The following COL14A1 variants were observed in gnomAD, a reference collection of about 807,000 sequenced individuals.
COL14A1 encodes collagen alpha-1(XIV) chain.
COL14A1 carries 136 observed loss-of-function variants against 230.3 expected under a neutral mutation model. That is an observed-to-expected ratio of 0.59 (90% confidence interval 0.51 to 0.68). COL14A1 has a LOEUF of 0.68. Ranked by LOEUF, COL14A1 falls within the 30% of genes least tolerant of loss-of-function variation. The probability of loss-of-function intolerance (pLI) is 0.00; values close to 1 mark genes in which losing one functional copy is unlikely to be tolerated. For missense variants in COL14A1, 1,976 were observed against 2,215.8 expected, an observed-to-expected ratio of 0.89 and a Z score of 2.17; for synonymous variants, 792 against 784.1, an observed-to-expected ratio of 1.01 and a Z score of -0.17.
In COL14A1 at chr8:120,219,168, G is replaced by A. The variant is rs533433343; in HGVS notation, c.1737+2678G>A. Among the ~76,000 whole-genome samples the A allele has an allele frequency of 1.6e-4, 24 of 152,186 alleles. No homozygotes were observed. In the South Asian group the frequency reaches 4.6e-3, roughly 29 times the overall value. On this transcript the variant is annotated intron_variant, in intron 14 of 47. Transcript: ENST00000297848. Reference sequence around the variant, plus strand: ...CGGGGTCTCTGTTGCCTAGGTTGAAGTGCAGTAGTGTGATCGTGGCTCACT... The same window carrying A: ...CGGGGTCTCTGTTGCCTAGGTTGAAATGCAGTAGTGTGATCGTGGCTCACT...
Position 120,250,661 on chromosome 8 carries a change from A to C in COL14A1, c.2647A>C (p.Thr883Pro). 6.2e-7 allele frequency: 1 copy of C among 1,614,234 alleles called. No individual in the cohort carries two copies. The highest frequency in any genetic ancestry group is 8.5e-7 in the Non-Finnish European group (1 of 1,180,036). The change falls in exon 22 of 48, where the codon ACC becomes CCC. Residue 883 changes from threonine to proline, a missense_variant. By Grantham distance (38) the Thr-to-Pro change is conservative. Coordinates refer to ENST00000297848, the MANE Select transcript of COL14A1 (RefSeq NM_021110.4). ...LETFVGADIN[T>P]ILITNLLSGM... ...AACGTTTGTGGGAGCTGACATTAACACCATCCTTATCACAAACCTCCTCAG... is the reference window on the plus strand; with the variant it reads ...AACGTTTGTGGGAGCTGACATTAACCCCATCCTTATCACAAACCTCCTCAG...
In COL14A1 at chr8:120,305,287, CTT is replaced by C. The variant is rs1026858547; in HGVS notation, c.4401+4472_4401+4473del. Among the ~76,000 whole-genome samples, 41 of 152,182 alleles carry C rather than the reference CTT, an allele frequency of 2.7e-4. No individual in the cohort carries two copies. In the Middle Eastern group the frequency reaches 0.014, roughly 50 times the overall value. On this transcript the variant is annotated intron_variant, in intron 36 of 47. Transcript: ENST00000297848. ...GAGCCACCGCACCTGGCCAAAAACT[CTT>C]TTAAAAACATTTCAGATGTCAGAAA...
At chr8:120,164,645 A>G (rs956768728) in intron 4 of COL14A1, among the ~76,000 whole-genome samples, 2 of 152,224 alleles carry the variant, frequency 1.3e-5, no homozygotes. Context: ...AGCAGGACAT[A>G]CACATGTTGT....
chr8:120,231,773 T>A (rs1818275746), intron 19 of COL14A1, 155 bp downstream of exon 19: 2 of 762,820 alleles, frequency 2.6e-6, no homozygotes, highest in Non-Finnish European at 3.9e-6. Context: ...ACTCCACTAC[T>A]GGCTTCTTAG....
chr8:120,318,782 G>C (rs1821327365), intron 40 of COL14A1, among the ~76,000 whole-genome samples: 1 of 152,170 alleles, frequency 6.6e-6, no homozygotes. Context: ...CCGTGGCATA[G>C]AAAGAGAGCA....
intron 8 of COL14A1, among the ~76,000 whole-genome samples, chr8:120,200,894 C>T (rs1218212075): frequency 1.3e-5 from 2 of 151,018 alleles, no homozygotes; most frequent in Non-Finnish European, 3.0e-5. Flanking sequence ...TGTTTCTTTT[C>T]CTTATTCCTA....
At chr8:120,326,695 A>G (rs1821680991) in intron 40 of COL14A1, among the ~76,000 whole-genome samples, 1 of 152,148 alleles carries the variant, frequency 6.6e-6, no homozygotes, top group African/African-American at 2.4e-5. Flanking sequence ...TTCATTTGAG[A>G]TAAAGCAAGC....
In COL14A1 at chr8:120,251,067, A is replaced by G. The variant is rs573086471; in HGVS notation, c.2752+301A>G. On this transcript the variant is annotated intron_variant, in intron 22 of 47. Transcript: ENST00000297848. Reference sequence around the variant, plus strand: ...GTGATTCAACCTCCTCAGCCTCCCAAGCACATGGGGTTTTGCTGCTTTGTT... The same window carrying G: ...GTGATTCAACCTCCTCAGCCTCCCAGGCACATGGGGTTTTGCTGCTTTGTT... 3.3e-5 allele frequency among the ~76,000 whole-genome samples: 5 copies of G among 152,246 alleles called. No individual in the cohort carries two copies. In the East Asian group the frequency reaches 5.8e-4, roughly 18 times the overall value.
chr8:120,271,161 G>A (rs905293112), intron 26 of COL14A1, among the ~76,000 whole-genome samples: 2 of 151,638 alleles, frequency 1.3e-5, no homozygotes, highest in Non-Finnish European at 2.9e-5. Context: ...CTTATAAGTG[G>A]GAGCTAAACA....
intron 29 of COL14A1, 56 bp downstream of exon 29, chr8:120,280,155 C>T: frequency 1.3e-6 from 2 of 1,589,578 alleles, no homozygotes; most frequent in Non-Finnish European, 1.7e-6. Context: ...AAATATTTGA[C>T]ACTGGTTAAA....
intron 20 of COL14A1, among the ~76,000 whole-genome samples, chr8:120,245,324 G>T (rs1193259411): frequency 1.3e-5 from 2 of 152,164 alleles, no homozygotes; most frequent in African/African-American, 2.4e-5. Context: ...TATCATGAGA[G>T]CCTGGGGCCT....
intron 5 of COL14A1, among the ~76,000 whole-genome samples, chr8:120,190,691 G>T (rs979991000): frequency 6.6e-5 from 10 of 152,208 alleles, no homozygotes; most frequent in South Asian, 2.1e-4. Flanking sequence ...TTTTTGGTTG[G>T]TAAGCTATTG....
intron 14 of COL14A1, among the ~76,000 whole-genome samples, chr8:120,223,939 C>T (rs1021826035): frequency 2.0e-4 from 30 of 151,924 alleles, no homozygotes; most frequent in Admixed American, 1.1e-3. Context: ...AGCGCTGCAG[C>T]CCCGTGCCCA....
intron 1 of COL14A1, among the ~76,000 whole-genome samples, chr8:120,131,187 C>T (rs1046143933): frequency 1.3e-5 from 2 of 152,118 alleles, no homozygotes; most frequent in African/African-American, 2.4e-5. Context: ...CATAGGAGTG[C>T]ATGTGTCTTT....
chr8:120,165,037 A>G (rs181685010), intron 4 of COL14A1, among the ~76,000 whole-genome samples: 6 of 152,356 alleles, frequency 3.9e-5, no homozygotes, highest in East Asian at 1.9e-4. Flanking sequence ...GAGAAACAAT[A>G]TAACTTTTAG....
At chr8:120,341,259 T>C in intron 42 of COL14A1, 66 bp from the exon 43 acceptor site, 2 of 1,469,956 alleles carry the variant, frequency 1.4e-6, no homozygotes, top group East Asian at 2.3e-5. Context: ...TAAGAAAAGA[T>C]GCATGATTAT....
chr8:120,206,776 C>T (rs993201037), intron 9 of COL14A1, among the ~76,000 whole-genome samples, 167 bp from the exon 10 acceptor site: 2 of 152,154 alleles, frequency 1.3e-5, no homozygotes, highest in Admixed American at 6.5e-5. Flanking sequence ...ACCTAATAGA[C>T]ATTTAAATGT....
intron 19 of COL14A1, among the ~76,000 whole-genome samples, chr8:120,233,616 A>G (rs1464034910): frequency 6.6e-6 from 1 of 152,090 alleles, no homozygotes; most frequent in Non-Finnish European, 1.5e-5. Context: ...TTTGTCACAG[A>G]TAGATGGTTG....
chr8:120,359,954 C>T (rs556510449), intron 45 of COL14A1, among the ~76,000 whole-genome samples: 52 of 152,258 alleles, frequency 3.4e-4, no homozygotes, highest in African/African-American at 1.2e-3. Flanking sequence ...TCCTCCCTCT[C>T]GCTGCCCAAA....
Sources: gnomAD v4.1 joint callset for allele counts (sites outside exome capture counted in the v4.1 genomes callset) on GRCh38, gnomAD v4.1.1 for gene constraint, MANE v1.5 for transcripts, NCBI Gene and HGNC (gene_info 2026-07-23, HGNC 2026-07-21) for gene names.